Variants in NFIB observed in about 807,000 individuals in gnomAD.
The protein encoded by NFIB is nuclear factor 1 B-type.
Under a neutral mutation model 61.5 loss-of-function variants are expected in NFIB, and 11 were observed. That is an observed-to-expected ratio of 0.18 (90% CI 0.11 to 0.30). The LOEUF (loss-of-function observed/expected upper bound fraction) is 0.30. NFIB is among the 10% of genes least tolerant of loss of function. NFIB has a pLI of 1.00. For synonymous variants in NFIB, 260 were observed against 216.5 expected (o/e 1.20, Z -1.76); for missense variants, 471 against 608.9 (o/e 0.77, Z 2.38).
intron 2 of NFIB, among the ~76,000 whole-genome samples, chr9:14,267,787 T>C (rs1226605566): frequency 6.6e-6 from 1 of 152,182 alleles, no homozygotes; most frequent in Non-Finnish European, 1.5e-5. Flanking sequence ...CAGGTGCTCA[T>C]TTAAAACTTT....
intron 2 of NFIB, among the ~76,000 whole-genome samples, chr9:14,226,426 T>C (rs2052427572): frequency 6.6e-6 from 1 of 151,872 alleles, no homozygotes; most frequent in Admixed American, 6.6e-5. Flanking sequence ...CATGCACCTG[T>C]AGTCCCAGTT....
upstream of NFIB, among the ~76,000 whole-genome samples, chr9:14,403,246 C>A (rs1404946936): frequency 6.6e-6 from 1 of 152,280 alleles, no homozygotes; most frequent in African/African-American, 2.4e-5. Context: ...ATTCCTCAGG[C>A]CAAGATGAGC....
Position 14,260,634 on chromosome 9 carries a change from GT to G in NFIB, c.562+46354del, listed in dbSNP as rs536911985. Among the ~76,000 whole-genome samples the G allele has an allele frequency of 1.8e-3, 274 of 152,274 alleles. 2 individuals carry two copies. The highest frequency in any genetic ancestry group is 4.6e-3 in the Admixed American group (71 of 15,304). On this transcript the variant is annotated intron_variant, in intron 2 of 10. Transcript: ENST00000380953. ...GCATGCAGATATATGCACAGCTAAG[GT>G]AACATGGAGGTGTGCCAGTCGAGCA...
At chr9:14,287,772 T>C (rs1223598376) in intron 2 of NFIB, among the ~76,000 whole-genome samples, 1 of 152,040 alleles carries the variant, frequency 6.6e-6, no homozygotes, top group Non-Finnish European at 1.5e-5. Flanking sequence ...GAAACACCTA[T>C]ATTCTGGAAG....
chr9:14,278,288 G>T (rs1261264229), intron 2 of NFIB, among the ~76,000 whole-genome samples: 1 of 152,232 alleles, frequency 6.6e-6, no homozygotes, highest in African/African-American at 2.4e-5. Context: ...AAAGTTCACA[G>T]GAACCATGAG....
the NFIB span, among the ~76,000 whole-genome samples, chr9:14,409,747 GA>G: frequency 4.6e-5 from 7 of 152,230 alleles, no homozygotes; most frequent in Non-Finnish European, 7.4e-5. Context: ...ATCACACAAA[GA>G]AAAGAACTTA....
intron 2 of NFIB, among the ~76,000 whole-genome samples, chr9:14,228,329 G>C (rs964567315): frequency 6.6e-6 from 1 of 151,564 alleles, no homozygotes; most frequent in African/African-American, 2.4e-5. Flanking sequence ...CGAGTAGCTG[G>C]GATTACAGGA....
At chr9:14,158,118 A>AC (rs1162992382) in intron 3 of NFIB, among the ~76,000 whole-genome samples, 31 of 151,834 alleles carry the variant, frequency 2.0e-4, no homozygotes, top group African/African-American at 7.5e-4. Flanking sequence ...CTCAAAAAAA[A>AC]AAAAAAAACA....
Position 14,388,689 on chromosome 9 carries a change from C to A in NFIB, c.108+9835G>T, listed in dbSNP as rs115803015. On this transcript the variant is annotated intron_variant, in intron 1 of 8. Coordinates refer to the NFIB transcript ENST00000380934. ...TCTAGATAGCAATTGCCTCTGGAAA[C>A]GGAGGAGAGGCAGTGGGATTTGATA... Among the ~76,000 whole-genome samples the A allele has an allele frequency of 8.9e-3, 1,348 of 152,038 alleles. 25 individuals are homozygous for A. The highest frequency in any genetic ancestry group is 0.031 in the African/African-American group (1,282 of 41,490).
the NFIB span, among the ~76,000 whole-genome samples, chr9:14,530,456 T>C: frequency 6.6e-6 from 1 of 151,842 alleles, no homozygotes; most frequent in Admixed American, 6.6e-5. Flanking sequence ...CTTGAGGAAC[T>C]GGCCTTTCTT....
intron 1 of NFIB, among the ~76,000 whole-genome samples, chr9:14,312,092 A>G (rs1404068830): frequency 6.6e-6 from 1 of 152,244 alleles, no homozygotes; most frequent in Non-Finnish European, 1.5e-5. Context: ...GAAAATAGCC[A>G]TATCTAAGTT....
chr9:14,331,708 C>T (rs778952195), intron 1 of NFIB, among the ~76,000 whole-genome samples: 9 of 152,308 alleles, frequency 5.9e-5, no homozygotes, highest in East Asian at 1.9e-4. Flanking sequence ...GACTTAGCCA[C>T]GCAAAGGCTA....
At chr9:14,529,187 GA>G in the NFIB span, among the ~76,000 whole-genome samples, 1 of 152,122 alleles carries the variant, frequency 6.6e-6, no homozygotes, top group African/African-American at 2.4e-5. Context: ...GTCTAGGAAG[GA>G]AAACAGATGT....
chr9:14,519,867 T>C, the NFIB span, among the ~76,000 whole-genome samples: 2 of 152,220 alleles, frequency 1.3e-5, no homozygotes, highest in East Asian at 3.8e-4. Flanking sequence ...TAGCCTTAGA[T>C]GCCTAGGCCC....
At chr9:14,285,877 C>T (rs2058676570) in intron 2 of NFIB, among the ~76,000 whole-genome samples, 1 of 151,486 alleles carries the variant, frequency 6.6e-6, no homozygotes, top group African/African-American at 2.5e-5. Flanking sequence ...TTGGTATTAT[C>T]TCCATTTTAC....
At chr9:14,103,510 C>T (rs76826018) in intron 10 of NFIB, among the ~76,000 whole-genome samples, 1 of 152,010 alleles carries the variant, frequency 6.6e-6, no homozygotes, top group Non-Finnish European at 1.5e-5. Context: ...ACCAAAGTAC[C>T]ATAAATTATC....
At chr9:14,324,715 G>GT (rs2060731882) in intron 1 of NFIB, among the ~76,000 whole-genome samples, 1 of 152,070 alleles carries the variant, frequency 6.6e-6, no homozygotes, top group South Asian at 2.1e-4. Context: ...GTCATAAAAT[G>GT]TACCATTGTG....
chr9:14,232,212 C>T (rs1437687749), intron 2 of NFIB, among the ~76,000 whole-genome samples: 1 of 152,122 alleles, frequency 6.6e-6, no homozygotes, highest in African/African-American at 2.4e-5. Flanking sequence ...CCATGGTGGG[C>T]AAGTCAATAG....
At chr9:14,318,809 T>C (rs763540578), upstream of NFIB, among the ~76,000 whole-genome samples, 12 of 152,024 alleles carry the variant, frequency 7.9e-5, no homozygotes, top group Non-Finnish European at 1.6e-4. Context: ...ATATAAACAA[T>C]CAAGAAGTAT....
Sources: allele counts gnomAD v4.1 joint callset (sites outside exome capture counted in the v4.1 genomes callset), GRCh38; gene constraint gnomAD v4.1.1; transcripts MANE v1.5; gene names NCBI Gene and HGNC (gene_info 2026-07-23, HGNC 2026-07-21).